The following DMD variants were observed in gnomAD, a reference collection of about 807,000 sequenced individuals.
DMD encodes mutant dystrophin.
A neutral mutation model predicts 330.1 loss-of-function variants in DMD; 63 were observed. The observed-to-expected ratio is 0.19, with a 90% confidence interval of 0.16 to 0.24. The LOEUF (loss-of-function observed/expected upper bound fraction) is 0.24. Among genes scored for constraint, DMD ranks in the 10% least tolerant of loss-of-function variants. The pLI is 1.00. For synonymous variants in DMD, 1,223 were observed against 959.8 expected (o/e 1.27, Z -5.07); for missense variants, 3,344 against 2,684.1 (o/e 1.25, Z -5.43).
At chrX:32,517,825 G>C in intron 18 of DMD, 183 bp downstream of exon 18, 1 of 514,389 alleles carries the variant, frequency 1.9e-6, no homozygotes, top group South Asian at 3.5e-5. Context: ...GAAGAATCCA[G>C]AAAGATTTCT....
At chrX:31,578,370 C>T (rs1176777993) in intron 55 of DMD, among the ~76,000 whole-genome samples, 1 of 111,893 alleles carries the variant, frequency 8.9e-6, no homozygotes, top group African/African-American at 3.3e-5. Flanking sequence ...AACTTATTTT[C>T]TTGGTCTTTC....
At chrX:32,301,742 C>A (rs1165607380) in intron 42 of DMD, among the ~76,000 whole-genome samples, 2 of 111,154 alleles carry the variant, frequency 1.8e-5, no homozygotes. Context: ...TTAAATCATT[C>A]TTTGCTTAGA....
Position 31,968,444 on chromosome X carries a change from A to T in DMD, c.6509T>A (p.Ile2170Asn), listed in dbSNP as rs200981845. 1 of 1,209,183 alleles carries T rather than the reference A, an allele frequency of 8.3e-7. No homozygotes were observed. Among genetic ancestry groups the T allele is most frequent in the East Asian group, 3.0e-5 (1 of 33,731 alleles). Reference protein sequence around the residue: ...RTLNATGEEIIQQSSKTDASI... With the variant: ...RTLNATGEEINQQSSKTDASI... ...GGCATCTGTTTTTGAGGATTGCTGA[A>T]TTATTTCTTCCCCAGTTGCATTCAA... The change falls in exon 45 of 79, where the codon ATT (isoleucine) becomes AAT (asparagine). Residue 2170 changes from isoleucine to asparagine, a missense_variant. Physicochemically the swap from Ile to Asn is moderately radical, Grantham distance 149. Coordinates refer to ENST00000357033, the MANE Select transcript of DMD (RefSeq NM_004006.3).
At chrX:31,561,699 C>A (rs1024893413) in intron 55 of DMD, among the ~76,000 whole-genome samples, 1 of 112,398 alleles carries the variant, frequency 8.9e-6, no homozygotes, top group African/African-American at 3.2e-5. Context: ...ATGGCAGGTA[C>A]TATGCTTATC....
chrX:32,354,772 T>C (rs2097793368), intron 37 of DMD, among the ~76,000 whole-genome samples: 1 of 111,404 alleles, frequency 9.0e-6, no homozygotes, highest in Non-Finnish European at 1.9e-5. Flanking sequence ...TATTACCCAG[T>C]AGATTTCAAT....
chrX:31,450,124 A>G (rs2065614387), intron 59 of DMD, among the ~76,000 whole-genome samples: 2 of 111,192 alleles, frequency 1.8e-5, no homozygotes, highest in South Asian at 7.6e-4. Context: ...GCCTAAAAAG[A>G]GGAGGTGCTA....
At chrX:33,068,596 C>T (rs762262742) in intron 1 of DMD, among the ~76,000 whole-genome samples, 3 of 112,110 alleles carry the variant, frequency 2.7e-5, no homozygotes, top group East Asian at 2.8e-4. Context: ...CTTATGTTTC[C>T]GTGTGAGTTC....
chrX:32,396,433 G>T (rs758868448), intron 30 of DMD, among the ~76,000 whole-genome samples: 2 of 111,253 alleles, frequency 1.8e-5, no homozygotes, highest in East Asian at 5.7e-4. Context: ...AATATGATTA[G>T]AGATAAAATT....
At chrX:31,745,507 A>G (rs1397178875) in intron 51 of DMD, among the ~76,000 whole-genome samples, 1 of 112,126 alleles carries the variant, frequency 8.9e-6, no homozygotes, top group East Asian at 2.8e-4. Flanking sequence ...AAATTGCAGT[A>G]ACCCAAGAAA....
At chrX:31,886,407 A>G (rs1372224094) in intron 47 of DMD, among the ~76,000 whole-genome samples, 4 of 111,895 alleles carry the variant, frequency 3.6e-5, no homozygotes, top group East Asian at 2.8e-4. Context: ...AGGCAAAAAC[A>G]ATTCATCTTT....
chrX:32,277,891 G>A (rs1422745052), intron 43 of DMD, among the ~76,000 whole-genome samples: 1 of 110,546 alleles, frequency 9.0e-6, no homozygotes, highest in Non-Finnish European at 1.9e-5. Flanking sequence ...ACCTAACAAT[G>A]CAACTTAAAG....
chrX:32,407,041 T>G (rs58146765), intron 30 of DMD, among the ~76,000 whole-genome samples: 3,990 of 110,684 alleles, frequency 0.036, 156 homozygotes, highest in African/African-American at 0.12. Flanking sequence ...AACCTAGGCA[T>G]TACCATTCAG....
At chrX:32,909,211 C>T (rs752340278) in intron 2 of DMD, among the ~76,000 whole-genome samples, 1 of 101,353 alleles carries the variant, frequency 9.9e-6, no homozygotes, top group East Asian at 3.0e-4. Flanking sequence ...GAAAGAAAAT[C>T]AGTATACACA....
At chrX:32,664,488 G>T (rs370750363) in intron 9 of DMD, among the ~76,000 whole-genome samples, 3 of 110,093 alleles carry the variant, frequency 2.7e-5, no homozygotes, top group African/African-American at 6.7e-5. Context: ...TGATCCGCCC[G>T]CCTCGGCCTC....
chrX:32,903,362 A>C (rs1194416514), intron 2 of DMD, among the ~76,000 whole-genome samples: 2 of 110,017 alleles, frequency 1.8e-5, no homozygotes, highest in South Asian at 4.0e-4. Context: ...AAGTGGGAGA[A>C]GAAGGGAATT....
chrX:31,158,834 A>G (rs1189044259), intron 74 of DMD, among the ~76,000 whole-genome samples: 2 of 112,111 alleles, frequency 1.8e-5, no homozygotes, highest in East Asian at 2.8e-4. Context: ...TGTCTTCAGA[A>G]TTATCCGTGT....
At chrX:32,914,498 C>T (rs2087603524) in intron 2 of DMD, among the ~76,000 whole-genome samples, 1 of 112,220 alleles carries the variant, frequency 8.9e-6, no homozygotes, top group Admixed American at 9.5e-5. Context: ...AGATAAATAT[C>T]GGAATCTGTG....
rs149592433 is a variant in DMD at position 31,812,036 on chromosome X, T to C, written c.7309+7939A>G. On this transcript the variant is annotated intron_variant, in intron 50 of 78. Coordinates refer to ENST00000357033, the MANE Select transcript of DMD (RefSeq NM_004006.3). ...AAATGTAGGGTATTGTCACAATAAATTAACCATTTTTTTTTTTTGCAATTT... is the reference window on the plus strand; with the variant it reads ...AAATGTAGGGTATTGTCACAATAAACTAACCATTTTTTTTTTTTGCAATTT... Among the ~76,000 whole-genome samples the C allele has an allele frequency of 5.8e-3, 610 of 105,854 alleles. 4 individuals carry two copies. Among genetic ancestry groups the C allele is most frequent in the Non-Finnish European group, 9.2e-3 (468 of 50,630 alleles). The allele number at this position is 105,854 out of a possible 115,157, so 91.9% of individuals were successfully genotyped here. A position where few individuals can be genotyped will look rare whatever the true frequency, so the allele number is the denominator to read the frequency against.
At position 32,179,536 on chromosome X, in the gene DMD, C is replaced by G. The variant is rs183609826; in HGVS notation, c.6438+37380G>C. On this transcript the variant is annotated intron_variant, in intron 44 of 78. Coordinates refer to ENST00000357033, the MANE Select transcript of DMD (RefSeq NM_004006.3). The stretch of plus-strand genomic sequence containing the variant: ...AAAATAGGACCATAAGAAATAAACA[C>G]TGTCCTTACAAAGAAATAAACTTTT... 2.5e-3 allele frequency among the ~76,000 whole-genome samples: 286 copies of G among 112,387 alleles called. 1 individual carries two copies. The highest frequency in any genetic ancestry group is 8.4e-3 in the African/African-American group (261 of 30,986).
Sources: allele counts gnomAD v4.1 joint callset (sites outside exome capture counted in the v4.1 genomes callset), GRCh38; gene constraint gnomAD v4.1.1; transcripts MANE v1.5; gene names NCBI Gene and HGNC (gene_info 2026-07-23, HGNC 2026-07-21).